Variants in CDKAL1 observed in about 807,000 individuals in gnomAD.
The protein encoded by CDKAL1 is threonylcarbamoyladenosine tRNA methylthiotransferase.
Under a neutral mutation model 68.2 loss-of-function variants are expected in CDKAL1, and 32 were observed. The ratio of observed to expected loss-of-function variants is 0.47; its 90% CI spans 0.35 to 0.63. CDKAL1 has a LOEUF of 0.63. Among genes scored for constraint, CDKAL1 ranks in the 30% least tolerant of loss-of-function variants. The pLI, the probability that CDKAL1 is intolerant of heterozygous loss-of-function variation, is 0.00. For missense variants in CDKAL1, 606 were observed against 696.7 expected, an observed-to-expected ratio of 0.87 and a Z score of 1.47; for synonymous variants, 234 against 244.3, an observed-to-expected ratio of 0.96 and a Z score of 0.39.
intron 5 of CDKAL1, among the ~76,000 whole-genome samples, chr6:20,662,063 T>G (rs1769308224): frequency 6.6e-6 from 1 of 152,166 alleles, no homozygotes; most frequent in African/African-American, 2.4e-5. Context: ...ATTCTTGGTG[T>G]GTGTGTTTAT....
intron 13 of CDKAL1, among the ~76,000 whole-genome samples, chr6:21,170,964 C>T (rs533207429): frequency 1.2e-4 from 18 of 152,182 alleles, no homozygotes; most frequent in Admixed American, 2.0e-4. Context: ...ACCATCACCA[C>T]GCAGGGAACA....
intron 13 of CDKAL1, among the ~76,000 whole-genome samples, chr6:21,146,647 G>A (rs1405932070): frequency 6.6e-6 from 1 of 151,908 alleles, no homozygotes; most frequent in Non-Finnish European, 1.5e-5. Context: ...TCAGGAGATC[G>A]AGAGCATCCT....
At chr6:20,917,285 C>CT (rs1433654933) in intron 9 of CDKAL1, among the ~76,000 whole-genome samples, 2 of 151,932 alleles carry the variant, frequency 1.3e-5, no homozygotes, top group African/African-American at 2.4e-5. Context: ...CTGACCTTGC[C>CT]TTTTTTTATT....
intron 13 of CDKAL1, among the ~76,000 whole-genome samples, chr6:21,153,278 A>G (rs900293046): frequency 7.2e-5 from 10 of 139,120 alleles, no homozygotes; most frequent in Non-Finnish European, 1.1e-4. Flanking sequence ...GCGTTTAACC[A>G]TGAACTCTCA....
rs551098345 is a variant in CDKAL1, at chr6:20,986,528, GT to G, written c.910-13691del. On this transcript the variant is annotated intron_variant, in intron 10 of 15. Transcript: ENST00000274695. ...TTTATGTGCACTACTTATTTTATGC[GT>G]TTTTTTTCTAAGGGAATGGGACAGG... Among the ~76,000 whole-genome samples, 68 of 151,118 alleles carry G rather than the reference GT, an allele frequency of 4.5e-4. No homozygotes were observed. The East Asian group carries it at 0.012, about 27-fold the overall frequency.
At chr6:21,115,381 G>A (rs1332903777) in intron 13 of CDKAL1, among the ~76,000 whole-genome samples, 1 of 152,148 alleles carries the variant, frequency 6.6e-6, no homozygotes, top group Non-Finnish European at 1.5e-5. Context: ...TTGCCTGCTG[G>A]CCCTGTTGAG....
chr6:20,719,559 CTCT>C (rs1370162679), intron 5 of CDKAL1, among the ~76,000 whole-genome samples: 1 of 152,152 alleles, frequency 6.6e-6, no homozygotes, highest in Non-Finnish European at 1.5e-5. Context: ...GGTTTTATTT[CTCT>C]TCTTCTTTTT....
chr6:20,680,757 C>T (rs142183205), intron 5 of CDKAL1, among the ~76,000 whole-genome samples: 22 of 152,280 alleles, frequency 1.4e-4, no homozygotes, highest in Non-Finnish European at 2.4e-4. Context: ...AAACCCGGCA[C>T]GACAGGGCAC....
intron 9 of CDKAL1, among the ~76,000 whole-genome samples, chr6:20,881,587 G>T (rs920468203): frequency 1.3e-5 from 2 of 151,998 alleles, no homozygotes; most frequent in Non-Finnish European, 2.9e-5. Context: ...TATTAATCTT[G>T]TAGCTTTTTA....
chr6:20,756,042 A>T (rs1173817436), intron 6 of CDKAL1: 1 of 152,166 alleles, frequency 6.6e-6, no homozygotes, highest in African/African-American at 2.4e-5. Context: ...CTTTACCCCT[A>T]ACCTCTTCTT....
chr6:21,068,342 C>T (rs1368180284), intron 12 of CDKAL1, among the ~76,000 whole-genome samples: 15 of 152,040 alleles, frequency 9.9e-5, no homozygotes. Flanking sequence ...ATCATTTTGC[C>T]TTTTACCTTT....
intron 11 of CDKAL1, among the ~76,000 whole-genome samples, chr6:21,034,021 T>C (rs1285557126): frequency 6.6e-6 from 1 of 152,046 alleles, no homozygotes; most frequent in Non-Finnish European, 1.5e-5. Context: ...CTTCCAAAAG[T>C]CTGCAAAGGA....
At chr6:20,870,062 C>T (rs557889105) in intron 9 of CDKAL1, among the ~76,000 whole-genome samples, 3 of 152,250 alleles carry the variant, frequency 2.0e-5, no homozygotes, top group East Asian at 1.9e-4. Context: ...AGAGAATCCC[C>T]GTGCATTTTG....
At chr6:20,909,707 G>A (rs913742425) in intron 9 of CDKAL1, among the ~76,000 whole-genome samples, 1 of 152,174 alleles carries the variant, frequency 6.6e-6, no homozygotes, top group Admixed American at 6.5e-5. Flanking sequence ...CTTGTAGGAA[G>A]GAAGATTATT....
chr6:20,943,605 C>A (rs1330244606), intron 9 of CDKAL1, among the ~76,000 whole-genome samples: 1 of 151,538 alleles, frequency 6.6e-6, no homozygotes, highest in African/African-American at 2.4e-5. Flanking sequence ...ACTAGGTCTT[C>A]AAGTTCATCT....
intron 8 of CDKAL1, among the ~76,000 whole-genome samples, chr6:20,821,355 C>T (rs1777272649): frequency 6.6e-6 from 1 of 151,886 alleles, no homozygotes; most frequent in Non-Finnish European, 1.5e-5. Context: ...TAGGGTAAGC[C>T]CCTCCTCTGG....
intron 5 of CDKAL1, among the ~76,000 whole-genome samples, chr6:20,694,081 TG>T: frequency 1.3e-5 from 2 of 152,040 alleles, no homozygotes; most frequent in Middle Eastern, 6.8e-3. Flanking sequence ...TGTGTGTGTG[TG>T]TGTGTGTGTG....
At chr6:21,062,808 T>C (rs1771213939) in intron 11 of CDKAL1, among the ~76,000 whole-genome samples, 2 of 152,242 alleles carry the variant, frequency 1.3e-5, no homozygotes, top group Non-Finnish European at 2.9e-5. Flanking sequence ...ATAATTTGAC[T>C]GTCCTCATTG....
intron 11 of CDKAL1, among the ~76,000 whole-genome samples, chr6:21,016,111 C>T (rs756840285): frequency 6.6e-6 from 1 of 151,074 alleles, no homozygotes; most frequent in Non-Finnish European, 1.5e-5. Context: ...ATTTATTGAA[C>T]ACTTAGAATG....
Sources: gnomAD v4.1 joint callset for allele counts (sites outside exome capture counted in the v4.1 genomes callset) on GRCh38, gnomAD v4.1.1 for gene constraint, MANE v1.5 for transcripts, NCBI Gene and HGNC (gene_info 2026-07-23, HGNC 2026-07-21) for gene names.